The following RGS7BP variants were observed in gnomAD, a reference collection of about 807,000 sequenced individuals.
RGS7BP encodes regulator of G protein signaling 7-binding protein.
A neutral mutation model predicts 31.3 loss-of-function variants in RGS7BP; 9 were observed. The ratio of observed to expected loss-of-function variants is 0.29; its 90% CI spans 0.17 to 0.50. The LOEUF is 0.50. RGS7BP is among the 20% of genes least tolerant of loss of function. RGS7BP has a pLI of 0.98. For missense variants in RGS7BP, 274 were observed against 322.0 expected, an observed-to-expected ratio of 0.85 and a Z score of 1.14; for synonymous variants, 115 against 120.1, an observed-to-expected ratio of 0.96 and a Z score of 0.28.
At chr5:64,542,214 A>G (rs996558485) in intron 2 of RGS7BP, among the ~76,000 whole-genome samples, 28 of 152,232 alleles carry the variant, frequency 1.8e-4, no homozygotes, top group Non-Finnish European at 3.8e-4. Context: ...AATGATACAA[A>G]GGTACTGGCA....
intron 2 of RGS7BP, among the ~76,000 whole-genome samples, chr5:64,568,327 C>A (rs1170907134): frequency 6.6e-6 from 1 of 151,808 alleles, no homozygotes; most frequent in East Asian, 1.9e-4. Flanking sequence ...AGCTGTTTGC[C>A]CAACCGGAAA....
At chr5:64,517,931 G>C (rs1749016331) in intron 2 of RGS7BP, among the ~76,000 whole-genome samples, 1 of 152,086 alleles carries the variant, frequency 6.6e-6, no homozygotes, top group African/African-American at 2.4e-5. Context: ...TAAACCTCCT[G>C]TAAATAAACC....
At chr5:64,525,444 GA>G (rs1749208924) in intron 2 of RGS7BP, among the ~76,000 whole-genome samples, 1 of 152,162 alleles carries the variant, frequency 6.6e-6, no homozygotes, top group South Asian at 2.1e-4. Context: ...TGATATCTTG[GA>G]GAATGAGAGG....
At chr5:64,522,968 G>C (rs1369039927) in intron 2 of RGS7BP, among the ~76,000 whole-genome samples, 1 of 152,158 alleles carries the variant, frequency 6.6e-6, no homozygotes, top group Non-Finnish European at 1.5e-5. Context: ...ATGTGAGGGG[G>C]AAAGAGGCAG....
chr5:64,592,787 G>A (rs1474704999), intron 3 of RGS7BP, among the ~76,000 whole-genome samples: 6 of 152,310 alleles, frequency 3.9e-5, no homozygotes, highest in South Asian at 2.1e-4. Context: ...CGAACCCACA[G>A]GAGTGTAACA....
At chr5:64,608,182 A>G (rs768681535) in intron 5 of RGS7BP, among the ~76,000 whole-genome samples, 8 of 152,066 alleles carry the variant, frequency 5.3e-5, no homozygotes, top group Non-Finnish European at 1.0e-4. Context: ...ATGTCATAAC[A>G]CTGCCCCAGT....
chr5:64,609,054 G>T, intron 5 of RGS7BP, 107 bp from the exon 6 acceptor site: 1 of 754,150 alleles, frequency 1.3e-6, no homozygotes, highest in South Asian at 1.5e-5. Flanking sequence ...ACAGTGCTGA[G>T]GTTGAGAAAT....
intron 3 of RGS7BP, among the ~76,000 whole-genome samples, chr5:64,590,517 C>A (rs572209279): frequency 8.6e-5 from 13 of 151,882 alleles, no homozygotes; most frequent in Non-Finnish European, 1.5e-4. Context: ...TTTTCTAGGA[C>A]GAATGAATTA....
chr5:64,537,283 A>T (rs893200553), intron 2 of RGS7BP, among the ~76,000 whole-genome samples: 12 of 152,162 alleles, frequency 7.9e-5, no homozygotes, highest in African/African-American at 2.9e-4. Context: ...AATCGCAAAA[A>T]TAAATCTCAT....
intron 1 of RGS7BP, among the ~76,000 whole-genome samples, chr5:64,507,254 G>A (rs1295628507): frequency 1.3e-5 from 2 of 152,184 alleles, no homozygotes; most frequent in African/African-American, 2.4e-5. Flanking sequence ...GAGGTTCAGT[G>A]GCCCAGCAAA....
At chr5:64,595,937 G>A (rs917452022) in intron 4 of RGS7BP, among the ~76,000 whole-genome samples, 3 of 152,126 alleles carry the variant, frequency 2.0e-5, no homozygotes, top group African/African-American at 7.2e-5. Context: ...TATAAGCTTG[G>A]AAATGCAACA....
intron 3 of RGS7BP, among the ~76,000 whole-genome samples, chr5:64,581,609 T>TG (rs1445425404): frequency 1.5e-4 from 23 of 152,216 alleles, no homozygotes; most frequent in African/African-American, 5.5e-4. Flanking sequence ...AGTTTCTTTC[T>TG]GGGAAAAACA....
intron 2 of RGS7BP, among the ~76,000 whole-genome samples, chr5:64,524,703 A>G (rs377532066): frequency 3.3e-5 from 5 of 152,084 alleles, no homozygotes; most frequent in African/African-American, 1.2e-4. Flanking sequence ...TTAGCCCCCA[A>G]AGAGATAGTG....
chr5:64,602,152 T>C (rs76536851), intron 5 of RGS7BP, among the ~76,000 whole-genome samples: 5,415 of 152,206 alleles, frequency 0.036, 311 homozygotes, highest in African/African-American at 0.12. Flanking sequence ...GAACCGAACC[T>C]GGCTGTGTGA....
chr5:64,568,243 CAG>C (rs1742216832), intron 2 of RGS7BP, among the ~76,000 whole-genome samples: 1 of 152,080 alleles, frequency 6.6e-6, no homozygotes, highest in South Asian at 2.1e-4. Flanking sequence ...ATTCAGCACT[CAG>C]ACTCTATCAG....
At chr5:64,594,626 C>A in intron 3 of RGS7BP, 84 bp from the exon 4 acceptor site, 2 of 1,364,324 alleles carry the variant, frequency 1.5e-6, no homozygotes, top group Non-Finnish European at 2.1e-6. Context: ...GCATAGCCAA[C>A]CTTAGCACTG....
chr5:64,515,746 C>T (rs944651743), intron 2 of RGS7BP, among the ~76,000 whole-genome samples: 2 of 145,718 alleles, frequency 1.4e-5, no homozygotes, highest in African/African-American at 4.9e-5. Context: ...ATAATGCACA[C>T]ACACAGAGTA....
chr5:64,576,006 C>T (rs1561340595), intron 3 of RGS7BP, 102 bp downstream of exon 3: 5 of 989,244 alleles, frequency 5.1e-6, no homozygotes, highest in Non-Finnish European at 7.3e-6. Context: ...TATCTATATG[C>T]AATTACGATG....
chr5:64,604,886 G>A (rs1244912678), intron 5 of RGS7BP, among the ~76,000 whole-genome samples: 1 of 152,034 alleles, frequency 6.6e-6, no homozygotes, highest in African/African-American at 2.4e-5. Flanking sequence ...ATTAAATGTT[G>A]AGGCTGGGTA....
Sources: gnomAD v4.1 joint callset for allele counts (sites outside exome capture counted in the v4.1 genomes callset) on GRCh38, gnomAD v4.1.1 for gene constraint, MANE v1.5 for transcripts, NCBI Gene and HGNC (gene_info 2026-07-23, HGNC 2026-07-21) for gene names.